The following POLH variants were observed in gnomAD, a reference collection of about 807,000 sequenced individuals.
The protein encoded by POLH is DNA polymerase eta, also known as DNA polymerase eta transcript.
A neutral mutation model predicts 73.6 loss-of-function variants in POLH; 53 were observed. That is an observed-to-expected ratio of 0.72 (90% confidence interval 0.58 to 0.91). The LOEUF (loss-of-function observed/expected upper bound fraction) is 0.91. Among genes scored for constraint, POLH ranks in the 40% least tolerant of loss-of-function variants. POLH has a pLI of 0.00. For synonymous variants in POLH, 292 were observed against 308.5 expected, an observed-to-expected ratio of 0.95 and a Z score of 0.56; for missense variants, 768 against 865.4, an observed-to-expected ratio of 0.89 and a Z score of 1.41.
intron 10 of POLH, among the ~76,000 whole-genome samples, chr6:43,612,136 T>C (rs759978457): frequency 4.6e-5 from 7 of 152,194 alleles, no homozygotes; most frequent in Non-Finnish European, 7.3e-5. Context: ...CTTCCTGATA[T>C]ATTTATTTTC....
chr6:43,604,827 G>C, intron 8 of POLH, 89 bp downstream of exon 8: 2 of 1,337,846 alleles, frequency 1.5e-6, no homozygotes, highest in Admixed American at 3.4e-5. Flanking sequence ...ATAGGTTAGA[G>C]GAGACCTTTA....
intron 5 of POLH, among the ~76,000 whole-genome samples, chr6:43,599,637 GT>G (rs931325176): frequency 2.8e-4 from 40 of 143,736 alleles, no homozygotes; most frequent in Admixed American, 4.8e-4. Flanking sequence ...TTTTTTTGGT[GT>G]TTTTTTTTTT....
At chr6:43,593,009 T>C (rs9333522) in intron 4 of POLH, among the ~76,000 whole-genome samples, 28,679 of 152,226 alleles carry the variant, frequency 0.19, 5,769 homozygotes, top group African/African-American at 0.51. Context: ...CGTGAGCCAC[T>C]GCACCTGGCC....
intron 3 of POLH, among the ~76,000 whole-genome samples, chr6:43,586,011 T>C (rs1764787976): frequency 1.3e-5 from 2 of 151,520 alleles, no homozygotes. Flanking sequence ...AAAAAAAAAG[T>C]CAAGTATTTC....
intron 1 of POLH, among the ~76,000 whole-genome samples, chr6:43,581,605 G>A (rs891708870): frequency 6.1e-5 from 9 of 148,464 alleles, no homozygotes; most frequent in African/African-American, 1.3e-4. Context: ...CCTCCCGGGC[G>A]GCGCTCGCCG....
intron 3 of POLH, among the ~76,000 whole-genome samples, chr6:43,584,510 C>T (rs959393395): frequency 6.6e-6 from 1 of 152,202 alleles, no homozygotes; most frequent in African/African-American, 2.4e-5. Flanking sequence ...CCTCTCCTCT[C>T]ACACCACAAG....
At chr6:43,579,604 C>CA (rs1165236316) in intron 1 of POLH, among the ~76,000 whole-genome samples, 8 of 152,200 alleles carry the variant, frequency 5.3e-5, no homozygotes, top group African/African-American at 1.9e-4. Context: ...GGCAAATTAA[C>CA]TGAACCCAAA....
chr6:43,587,935 G>C (rs933203033), intron 4 of POLH, among the ~76,000 whole-genome samples: 1 of 152,198 alleles, frequency 6.6e-6, no homozygotes, highest in African/African-American at 2.4e-5. Context: ...GCTGAGGCAG[G>C]AGATTTGCTT....
intron 1 of POLH, chr6:43,578,408 A>C (rs1763630083): frequency 2.3e-6 from 1 of 439,064 alleles, no homozygotes; most frequent in Non-Finnish European, 4.5e-6. Flanking sequence ...ACAACAACAA[A>C]AAACTCATGC....
In POLH at chr6:43,616,233, G is replaced by C. The variant is rs1008058249; in HGVS notation, c.*1676G>C. 6.8e-6 allele frequency among the ~76,000 whole-genome samples: 1 copy of C among 147,774 alleles called. No homozygotes were observed. The highest frequency in any genetic ancestry group is 2.5e-5 in the African/African-American group (1 of 39,980). On this transcript the variant is annotated 3_prime_UTR_variant, in exon 11 of 11. Transcript: ENST00000372236. The stretch of plus-strand genomic sequence containing the variant: ...AGGCGGAGCTTGCAGTGAGCCGAGA[G>C]CGCGCCACTGCACTCCAGCCTGGGT...
intron 5 of POLH, among the ~76,000 whole-genome samples, chr6:43,599,637 G>GT (rs931325176): frequency 0.017 from 2,474 of 143,734 alleles, 18 homozygotes; most frequent in Middle Eastern, 0.047. Context: ...TTTTTTTGGT[G>GT]TTTTTTTTTT....
chr6:43,610,808 A>G (rs1334878864), intron 10 of POLH, 85 bp downstream of exon 10: 9 of 1,164,216 alleles, frequency 7.7e-6, no homozygotes, highest in East Asian at 5.0e-5. Flanking sequence ...TTTTTATCAT[A>G]AAGTTCCTCA....
intron 9 of POLH, 145 bp downstream of exon 9, chr6:43,605,464 T>TTTTTA (rs1767181109): frequency 1.7e-6 from 1 of 592,712 alleles, no homozygotes; most frequent in Non-Finnish European, 3.0e-6. Context: ...TTTTTTTTTT[T>TTTTTA]TTTGAGACAT....
In POLH at chr6:43,604,724, GC is replaced by G; in HGVS notation, c.995del (p.Ala332ValfsTer13). The G allele has an allele frequency of 6.2e-7, 1 of 1,614,112 alleles. No homozygotes were observed. Among genetic ancestry groups the G allele is most frequent in the Non-Finnish European group, 8.5e-7 (1 of 1,180,002 alleles). On this transcript the variant is annotated frameshift_variant, in exon 8 of 11. Transcript: ENST00000372236. LOFTEE classifies it high-confidence loss of function. ...SKNFPGKTAL[A>X]TREQVQWWLL... ...GAACTTCCCAGGAAAAACAGCTCTT[GC>G]TACTCGGGAACAGGTAAGCTGGCAT...
At chr6:43,580,377 C>T (rs1763912301) in intron 1 of POLH, among the ~76,000 whole-genome samples, 1 of 148,204 alleles carries the variant, frequency 6.7e-6, no homozygotes, top group South Asian at 2.2e-4. Flanking sequence ...CTTTCTATTC[C>T]ACAAAGCCGC....
At chr6:43,581,913 G>A (rs895444249) in intron 1 of POLH, among the ~76,000 whole-genome samples, 2 of 151,390 alleles carry the variant, frequency 1.3e-5, no homozygotes, top group African/African-American at 4.8e-5. Context: ...TCTCAAGATC[G>A]AGTGAAAGAA....
chr6:43,593,557 A>C (rs1342472772), intron 4 of POLH, among the ~76,000 whole-genome samples: 1 of 152,188 alleles, frequency 6.6e-6, no homozygotes, highest in African/African-American at 2.4e-5. Context: ...GTGGCAATTC[A>C]TTTCCACAAA....
In POLH at chr6:43,579,751, T is replaced by TC. The variant is rs143745697; in HGVS notation, c.-4-2564dup. ...CATCAACCTGTGAGATCTGACGCTT[T>TC]CTCCAGGTAGATAATGTCAGACTCG... On this transcript the variant is annotated intron_variant, in intron 1 of 10. Coordinates refer to ENST00000372236, the MANE Select transcript of POLH (RefSeq NM_006502.3). Among the ~76,000 whole-genome samples the TC allele has an allele frequency of 7.1e-3, 1,082 of 152,234 alleles. 8 individuals carry two copies. Among genetic ancestry groups the TC allele is most frequent in the African/African-American group, 0.025 (1,032 of 41,528 alleles).
In POLH at chr6:43,618,111, A is replaced by T. The variant is rs1768466896; in HGVS notation, c.*3554A>T. ...GTAAATATTTAGCTTAGGGTTTAAA[A>T]TTTGTTATGTAGCTTTTTGCACTTG... On this transcript the variant is annotated 3_prime_UTR_variant, in exon 11 of 11. Transcript: ENST00000372236. Among the ~76,000 whole-genome samples, 1 of 152,056 alleles carries T rather than the reference A, an allele frequency of 6.6e-6. No homozygotes were observed. The highest frequency in any genetic ancestry group is 1.9e-4 in the East Asian group (1 of 5,194).
Sources: allele counts gnomAD v4.1 joint callset (sites outside exome capture counted in the v4.1 genomes callset), GRCh38; gene constraint gnomAD v4.1.1; transcripts MANE v1.5; gene names NCBI Gene and HGNC (gene_info 2026-07-23, HGNC 2026-07-21).